The following CREB5 variants were observed in gnomAD, a reference collection of about 807,000 sequenced individuals.
The protein encoded by CREB5 is cyclic AMP-responsive element-binding protein 5.
In CREB5, 19 loss-of-function variants were observed where a neutral mutation model predicts 57.1. The observed-to-expected ratio is 0.33, with a 90% CI of 0.23 to 0.49. CREB5 has a LOEUF of 0.49. Among genes scored for constraint, CREB5 ranks in the 20% least tolerant of loss-of-function variants. CREB5 has a pLI of 0.99. For missense variants in CREB5, 579 were observed against 671.6 expected, an observed-to-expected ratio of 0.86 and a Z score of 1.52; for synonymous variants, 238 against 238.3, an observed-to-expected ratio of 1.00 and a Z score of 0.01.
intron 1 of CREB5, among the ~76,000 whole-genome samples, chr7:28,445,862 C>T (rs1789440853): frequency 6.6e-6 from 1 of 152,142 alleles, no homozygotes; most frequent in African/African-American, 2.4e-5. Flanking sequence ...ATTCTTCTAA[C>T]ATACTTGAGA....
At chr7:28,720,437 G>A (rs952040168) in intron 6 of CREB5, among the ~76,000 whole-genome samples, 2 of 152,220 alleles carry the variant, frequency 1.3e-5, no homozygotes, top group Non-Finnish European at 2.9e-5. Flanking sequence ...GCTGTCCAAT[G>A]TCACACAGCT....
chr7:28,551,895 CTTTCTCT>C (rs1794666665), intron 4 of CREB5, among the ~76,000 whole-genome samples: 2 of 126,750 alleles, frequency 1.6e-5, no homozygotes, highest in Admixed American at 1.6e-4. Flanking sequence ...TTCTTTCTTT[CTTTCTCT>C]TTTCTTTTCT....
intron 3 of CREB5, among the ~76,000 whole-genome samples, chr7:28,501,189 T>C (rs990443832): frequency 6.6e-6 from 1 of 152,224 alleles, no homozygotes. Context: ...AGAACACATT[T>C]TGGTCTCAGT....
chr7:28,806,194 C>T (rs1219472500), intron 8 of CREB5, among the ~76,000 whole-genome samples: 1 of 152,156 alleles, frequency 6.6e-6, no homozygotes, highest in African/African-American at 2.4e-5. Context: ...GCCAATTGCC[C>T]TCTGTTTCAA....
intron 5 of CREB5, among the ~76,000 whole-genome samples, chr7:28,664,808 A>G (rs1276163376): frequency 2.6e-5 from 4 of 152,322 alleles, no homozygotes; most frequent in African/African-American, 7.2e-5. Context: ...GGGGAAATTA[A>G]TACCCCAGAA....
intron 5 of CREB5, among the ~76,000 whole-genome samples, chr7:28,587,426 C>A (rs1223550373): frequency 2.6e-5 from 4 of 152,010 alleles, no homozygotes; most frequent in Admixed American, 6.6e-5. Context: ...TGTGAGTCAT[C>A]AGTGCGCTGT....
At chr7:28,688,900 G>A (rs887074647) in intron 5 of CREB5, among the ~76,000 whole-genome samples, 6 of 152,026 alleles carry the variant, frequency 3.9e-5, no homozygotes, top group Admixed American at 1.3e-4. Context: ...ACTTGGCTCC[G>A]AATTGTTCAC....
At chr7:28,544,794 G>A (rs1412515695) in intron 4 of CREB5, among the ~76,000 whole-genome samples, 2 of 152,192 alleles carry the variant, frequency 1.3e-5, no homozygotes, top group East Asian at 1.9e-4. Context: ...AAACAGAGAA[G>A]GGAGCTGGAG....
intron 5 of CREB5, among the ~76,000 whole-genome samples, chr7:28,601,594 A>G (rs1231538908): frequency 6.6e-6 from 1 of 152,188 alleles, no homozygotes; most frequent in Non-Finnish European, 1.5e-5. Flanking sequence ...ACCCACAATT[A>G]TTGGGCACAT....
At chr7:28,405,325 G>C (rs1287618105) in intron 1 of CREB5, among the ~76,000 whole-genome samples, 1 of 152,284 alleles carries the variant, frequency 6.6e-6, no homozygotes, top group Non-Finnish European at 1.5e-5. Flanking sequence ...GTGGGAAAAG[G>C]TCACTCTGAG....
At chr7:28,569,556 C>A (rs1467895307) in intron 4 of CREB5, among the ~76,000 whole-genome samples, 2 of 152,170 alleles carry the variant, frequency 1.3e-5, no homozygotes, top group African/African-American at 4.8e-5. Flanking sequence ...ACTCAGACAT[C>A]TCATGTTCTT....
intron 8 of CREB5, among the ~76,000 whole-genome samples, chr7:28,807,395 A>C (rs1429416856): frequency 6.6e-6 from 1 of 152,176 alleles, no homozygotes; most frequent in Admixed American, 6.5e-5. Context: ...GTTGCAGTGA[A>C]CCGAAATCGC....
intron 4 of CREB5, among the ~76,000 whole-genome samples, chr7:28,558,277 G>A (rs1375907142): frequency 1.3e-5 from 2 of 152,138 alleles, no homozygotes; most frequent in Non-Finnish European, 1.5e-5. Context: ...TGGTTCAAAG[G>A]TACTTATTCC....
intron 7 of CREB5, among the ~76,000 whole-genome samples, chr7:28,763,614 C>A (rs192703158): frequency 1.3e-5 from 2 of 152,088 alleles, no homozygotes; most frequent in African/African-American, 2.4e-5. Context: ...ATAGCACAGA[C>A]CTGAACATAA....
At chr7:28,423,130 T>C (rs1788342516) in intron 1 of CREB5, among the ~76,000 whole-genome samples, 1 of 152,154 alleles carries the variant, frequency 6.6e-6, no homozygotes, top group Admixed American at 6.6e-5. Flanking sequence ...TCTGCCTCCA[T>C]GCTAGCCACA....
chr7:28,520,744 T>C (rs1793171236), intron 4 of CREB5, among the ~76,000 whole-genome samples: 1 of 152,250 alleles, frequency 6.6e-6, no homozygotes, highest in Non-Finnish European at 1.5e-5. Flanking sequence ...CACAAATTCT[T>C]GGCTCCCCAG....
At chr7:28,403,107 A>G (rs1469940656) in intron 1 of CREB5, among the ~76,000 whole-genome samples, 2 of 152,214 alleles carry the variant, frequency 1.3e-5, no homozygotes, top group Admixed American at 1.3e-4. Context: ...CTGGAAGGGT[A>G]AAGTGTGATG....
intron 7 of CREB5, among the ~76,000 whole-genome samples, chr7:28,728,248 C>G (rs1803433978): frequency 1.3e-5 from 2 of 152,216 alleles, no homozygotes; most frequent in South Asian, 4.2e-4. Context: ...CCTATTGTCC[C>G]CACTTTACAG....
chr7:28,551,491 C>A (rs548777313), intron 4 of CREB5, among the ~76,000 whole-genome samples: 1 of 152,164 alleles, frequency 6.6e-6, no homozygotes, highest in Admixed American at 6.5e-5. Context: ...GGTGACTAAC[C>A]CTTTTTGTGT....
Sources: gnomAD v4.1 joint callset for allele counts (sites outside exome capture counted in the v4.1 genomes callset) on GRCh38, gnomAD v4.1.1 for gene constraint, MANE v1.5 for transcripts, NCBI Gene and HGNC (gene_info 2026-07-23, HGNC 2026-07-21) for gene names.